ABCB1: variants seen among roughly 807,000 people sequenced by gnomAD.
ABCB1 encodes ATP-dependent translocase ABCB1.
ABCB1 carries 69 observed loss-of-function variants against 142.0 expected under a neutral mutation model. The observed-to-expected ratio is 0.49, with a 90% CI of 0.40 to 0.59. The LOEUF (loss-of-function observed/expected upper bound fraction) is 0.59, where lower values mean the gene tolerates loss of function less well. Among genes scored for constraint, ABCB1 ranks in the 20% least tolerant of loss-of-function variants. The probability of loss-of-function intolerance (pLI) is 0.00; values close to 1 mark genes in which losing one functional copy is unlikely to be tolerated. For synonymous variants in ABCB1, 532 were observed against 539.2 expected (o/e 0.99, Z 0.18); for missense variants, 1,326 against 1,554.7 (o/e 0.85, Z 2.47).
intron 1 of ABCB1, among the ~76,000 whole-genome samples, chr7:87,629,716 G>A (rs1056528713): frequency 2.0e-5 from 3 of 151,660 alleles, no homozygotes; most frequent in African/African-American, 7.3e-5. Context: ...TCACGAGGTC[G>A]GAGTTCGAGA....
At chr7:87,574,437 A>G (rs932861002) in intron 4 of ABCB1, among the ~76,000 whole-genome samples, 1 of 152,184 alleles carries the variant, frequency 6.6e-6, no homozygotes, top group Non-Finnish European at 1.5e-5. Flanking sequence ...AAATTATGTT[A>G]TACAAAATAA....
At chr7:87,634,495 G>T (rs1443360007) in intron 1 of ABCB1, among the ~76,000 whole-genome samples, 1 of 29,206 alleles carries the variant, frequency 3.4e-5, no homozygotes, top group Non-Finnish European at 8.3e-5. Flanking sequence ...GGTGGGGGGT[G>T]GGGGGGGGGG....
intron 1 of ABCB1, among the ~76,000 whole-genome samples, chr7:87,676,748 G>A (rs997664317): frequency 1.4e-4 from 20 of 140,840 alleles, no homozygotes; most frequent in Non-Finnish European, 2.3e-4. Context: ...CCTTTACCAT[G>A]TTCCATTACC....
At chr7:87,558,400 C>T (rs541259033) in intron 8 of ABCB1, among the ~76,000 whole-genome samples, 27 of 152,120 alleles carry the variant, frequency 1.8e-4, no homozygotes, top group African/African-American at 6.5e-4. Context: ...ACCCAGAGAT[C>T]TTATTGTATT....
At chr7:87,658,528 C>G (rs969869955) in intron 1 of ABCB1, among the ~76,000 whole-genome samples, 15 of 152,096 alleles carry the variant, frequency 9.9e-5, no homozygotes, top group Non-Finnish European at 2.1e-4. Context: ...CAAACAGATT[C>G]AAGAAACAGA....
chr7:87,692,296 C>A (rs1048329998), intron 1 of ABCB1, among the ~76,000 whole-genome samples: 1 of 152,050 alleles, frequency 6.6e-6, no homozygotes, highest in African/African-American at 2.4e-5. Context: ...ACAAAAAAAA[C>A]ACATAAAAAC....
chr7:87,601,938 A>T (rs1024390501), upstream of ABCB1, among the ~76,000 whole-genome samples: 4 of 152,186 alleles, frequency 2.6e-5, no homozygotes, highest in Non-Finnish European at 5.9e-5. Flanking sequence ...AATTTTCCTT[A>T]TCTTGATATA....
At chr7:87,566,580 T>C (rs549053835) in intron 6 of ABCB1, among the ~76,000 whole-genome samples, 80 of 152,338 alleles carry the variant, frequency 5.3e-4, no homozygotes, top group African/African-American at 1.8e-3. Flanking sequence ...CTTCATTTAA[T>C]GCTAGTCATG....
At chr7:87,571,418 G>A (rs56227693) in intron 4 of ABCB1, among the ~76,000 whole-genome samples, 2 of 152,148 alleles carry the variant, frequency 1.3e-5, no homozygotes, top group Non-Finnish European at 2.9e-5. Context: ...CACCAGCAAT[G>A]TATACGATTA....
chr7:87,696,229 T>C (rs1333253447), intron 1 of ABCB1, among the ~76,000 whole-genome samples: 1 of 152,180 alleles, frequency 6.6e-6, no homozygotes, highest in East Asian at 1.9e-4. Context: ...CTTCAAGATA[T>C]AGAGTAGTCA....
intron 14 of ABCB1, among the ~76,000 whole-genome samples, chr7:87,546,326 C>T (rs903460967): frequency 3.9e-5 from 6 of 152,088 alleles, no homozygotes; most frequent in South Asian, 2.1e-4. Context: ...TGGTGGCTCA[C>T]GCCTGTAATC....
intron 1 of ABCB1, among the ~76,000 whole-genome samples, chr7:87,693,687 C>A (rs1243222197): frequency 6.6e-6 from 1 of 152,166 alleles, no homozygotes; most frequent in Non-Finnish European, 1.5e-5. Context: ...ACACCTTAGC[C>A]TCTCCAATAC....
chr7:87,613,839 C>G (rs1226975509), intron 1 of ABCB1, among the ~76,000 whole-genome samples: 1 of 152,132 alleles, frequency 6.6e-6, no homozygotes, highest in African/African-American at 2.4e-5. Flanking sequence ...CCTTCTGTAT[C>G]TAAAATAAAA....
At chr7:87,593,947 T>A (rs139681483) in intron 3 of ABCB1, among the ~76,000 whole-genome samples, 1 of 152,308 alleles carries the variant, frequency 6.6e-6, no homozygotes, top group African/African-American at 2.4e-5. Flanking sequence ...GTCCTCCTAG[T>A]CTGAATCACT....
chr7:87,644,840 A>G (rs1449625786), intron 1 of ABCB1, among the ~76,000 whole-genome samples: 5 of 151,960 alleles, frequency 3.3e-5, no homozygotes, highest in Admixed American at 6.5e-5. Flanking sequence ...AATAAAAACT[A>G]TAGACATTAA....
intron 4 of ABCB1, among the ~76,000 whole-genome samples, chr7:87,574,363 G>A (rs1818188791): frequency 1.3e-5 from 2 of 152,280 alleles, no homozygotes; most frequent in South Asian, 2.1e-4. Context: ...GGAAAGGTGA[G>A]AGCTACCCCA....
chr7:87,550,144 G>A, intron 12 of ABCB1, 27 bp downstream of exon 12: 2 of 1,614,142 alleles, frequency 1.2e-6, no homozygotes, highest in Non-Finnish European at 8.5e-7. Context: ...GATCACCGCA[G>A]GGTCTAGCTC....
intron 24 of ABCB1, 80 bp downstream of exon 24, chr7:87,516,429 C>A (rs1815250899): frequency 2.5e-6 from 4 of 1,578,500 alleles, no homozygotes; most frequent in Non-Finnish European, 3.5e-6. Flanking sequence ...TTTGAAAGTA[C>A]AAATTTTATT....
At chr7:87,710,446 C>T (rs931316152) in intron 1 of ABCB1, 3 of 613,964 alleles carry the variant, frequency 4.9e-6, no homozygotes, top group Non-Finnish European at 8.5e-6. Flanking sequence ...AAACATTTTT[C>T]TTAGTCGTTA....
Sources: allele counts gnomAD v4.1 joint callset (sites outside exome capture counted in the v4.1 genomes callset), GRCh38; gene constraint gnomAD v4.1.1; transcripts MANE v1.5; gene names NCBI Gene and HGNC (gene_info 2026-07-23, HGNC 2026-07-21).